ZNF521: variants seen among roughly 807,000 people sequenced by gnomAD.
ZNF521 encodes the protein zinc finger protein 521, also known as LYST-interacting protein 3.
A neutral mutation model predicts 105.5 loss-of-function variants in ZNF521; 14 were observed. That is an observed-to-expected ratio of 0.13 (90% CI 0.09 to 0.21). The LOEUF is 0.21. Among genes scored for constraint, ZNF521 ranks in the 10% least tolerant of loss-of-function variants. ZNF521 has a pLI of 1.00. For synonymous variants in ZNF521, 635 were observed against 606.0 expected (o/e 1.05, Z -0.70); for missense variants, 1,233 against 1,629.7 (o/e 0.76, Z 4.19).
intron 7 of ZNF521, among the ~76,000 whole-genome samples, chr18:25,075,778 C>T (rs956466273): frequency 2.6e-5 from 4 of 152,244 alleles, no homozygotes; most frequent in Middle Eastern, 3.4e-3. Flanking sequence ...CCACGCACGG[C>T]GCAGGAGAAA....
At chr18:25,169,551 A>C (rs1016725279) in intron 5 of ZNF521, among the ~76,000 whole-genome samples, 1 of 152,208 alleles carries the variant, frequency 6.6e-6, no homozygotes, top group African/African-American at 2.4e-5. Flanking sequence ...TTTTTAATAA[A>C]GACTAGTTTA....
chr18:25,317,352 G>A (rs980251852), intron 3 of ZNF521, among the ~76,000 whole-genome samples: 1 of 152,120 alleles, frequency 6.6e-6, no homozygotes, highest in Non-Finnish European at 1.5e-5. Flanking sequence ...GTATGAGACA[G>A]GAATAATGCC....
intron 3 of ZNF521, among the ~76,000 whole-genome samples, chr18:25,241,866 T>C (rs1404867384): frequency 6.6e-6 from 1 of 152,190 alleles, no homozygotes; most frequent in Non-Finnish European, 1.5e-5. Flanking sequence ...TTTTATACTT[T>C]TTTCTTATTC....
chr18:25,327,765 A>G (rs928801760), intron 2 of ZNF521: 1 of 501,576 alleles, frequency 2.0e-6, no homozygotes, highest in Non-Finnish European at 4.0e-6. Context: ...ACTCTAATGA[A>G]GGAAGGCAGC....
At chr18:25,098,078 C>T (rs2033889987) in intron 5 of ZNF521, among the ~76,000 whole-genome samples, 1 of 138,936 alleles carries the variant, frequency 7.2e-6, no homozygotes, top group Admixed American at 7.0e-5. Flanking sequence ...TTTAGATGCT[C>T]TGAGATGCAA....
At chr18:25,069,849 CA>C (rs1374102919) in intron 7 of ZNF521, among the ~76,000 whole-genome samples, 7 of 152,100 alleles carry the variant, frequency 4.6e-5, no homozygotes, top group African/African-American at 1.2e-4. Context: ...ATGGCATTTC[CA>C]AATTGTCATG....
intron 3 of ZNF521, among the ~76,000 whole-genome samples, chr18:25,256,419 T>C (rs1568038507): frequency 6.6e-6 from 1 of 152,168 alleles, no homozygotes; most frequent in South Asian, 2.1e-4. Flanking sequence ...CACAATTAAT[T>C]TTTTTAAGTT....
chr18:25,283,400 G>GA (rs1910503208), intron 3 of ZNF521, among the ~76,000 whole-genome samples: 2 of 152,104 alleles, frequency 1.3e-5, no homozygotes, highest in Non-Finnish European at 1.5e-5. Context: ...GCTCTTCCCT[G>GA]GTCTCTGGTC....
chr18:25,271,096 CG>C lies in ZNF521; in HGVS notation c.221-43400del, dbSNP rs1200092684. On this transcript the variant is annotated intron_variant, in intron 3 of 7. Coordinates refer to ENST00000361524, the MANE Select transcript of ZNF521 (RefSeq NM_015461.3). ...CAGTCTCAGGATACAAAATCAATTG[CG>C]AAAATCACAAGCATTCCTATACACC... 2.6e-5 allele frequency among the ~76,000 whole-genome samples: 4 copies of C among 152,122 alleles called. No individual in the cohort carries two copies. In the East Asian group the frequency reaches 7.7e-4, roughly 29 times the overall value.
At chr18:25,231,788 A>G (rs1906545475) in intron 3 of ZNF521, among the ~76,000 whole-genome samples, 2 of 152,234 alleles carry the variant, frequency 1.3e-5, no homozygotes, top group Admixed American at 1.3e-4. Context: ...TGTGTAGGAC[A>G]TACACTTCCT....
At chr18:25,235,998 T>C (rs144712617) in intron 3 of ZNF521, among the ~76,000 whole-genome samples, 1 of 152,346 alleles carries the variant, frequency 6.6e-6, no homozygotes, top group Admixed American at 6.5e-5. Flanking sequence ...GACATACATG[T>C]GTCTAACAAA....
At chr18:25,168,992 A>G (rs2035400971) in intron 5 of ZNF521, among the ~76,000 whole-genome samples, 1 of 151,894 alleles carries the variant, frequency 6.6e-6, no homozygotes, top group Non-Finnish European at 1.5e-5. Flanking sequence ...ATATTGTGTG[A>G]GGGACAGAAA....
chr18:25,241,966 T>C (rs1907368202), intron 3 of ZNF521, among the ~76,000 whole-genome samples: 1 of 152,162 alleles, frequency 6.6e-6, no homozygotes, highest in Non-Finnish European at 1.5e-5. Flanking sequence ...GAGCAGTAAT[T>C]TTGAAAATTT....
chr18:25,331,608 T>C (rs1321196370), intron 2 of ZNF521, among the ~76,000 whole-genome samples: 2 of 152,208 alleles, frequency 1.3e-5, no homozygotes, highest in African/African-American at 2.4e-5. Flanking sequence ...AACGATATCA[T>C]ACTAATACTT....
intron 5 of ZNF521, among the ~76,000 whole-genome samples, chr18:25,138,228 T>G (rs765630996): frequency 1.1e-4 from 17 of 152,292 alleles, no homozygotes; most frequent in Non-Finnish European, 2.1e-4. Context: ...ATTAAAGGCA[T>G]CTACTCTCTC....
intron 4 of ZNF521, among the ~76,000 whole-genome samples, chr18:25,221,479 G>C (rs980170344): frequency 6.6e-6 from 1 of 152,158 alleles, no homozygotes; most frequent in Non-Finnish European, 1.5e-5. Context: ...TCATGGTCCA[G>C]AAAAATCTAA....
chr18:25,231,809 A>G (rs1906547183), intron 3 of ZNF521, among the ~76,000 whole-genome samples: 1 of 152,206 alleles, frequency 6.6e-6, no homozygotes, highest in African/African-American at 2.4e-5. Flanking sequence ...GAGGACAGGG[A>G]CCAAGCCTTT....
chr18:25,143,838 T>C (rs1215437449), intron 5 of ZNF521, among the ~76,000 whole-genome samples: 4 of 152,204 alleles, frequency 2.6e-5, no homozygotes, highest in Non-Finnish European at 5.9e-5. Context: ...TTTGTCCTCT[T>C]ACTAAGTGAT....
Position 25,180,631 on chromosome 18 carries a change from G to A in ZNF521, c.3658+14529C>T, listed in dbSNP as rs572303078. 4.6e-5 allele frequency among the ~76,000 whole-genome samples: 7 copies of A among 152,212 alleles called. No homozygotes were observed. The South Asian group carries it at 1.5e-3, about 32-fold the overall frequency. ...CAATCTTTTCATAATGCTTCTTTGG[G>A]TGAGGAAGTGGAGTTATGAGTTACT... On this transcript the variant is annotated intron_variant, in intron 5 of 7. Coordinates refer to ENST00000361524, the MANE Select transcript of ZNF521 (RefSeq NM_015461.3).
Sources: gnomAD v4.1 joint callset for allele counts (sites outside exome capture counted in the v4.1 genomes callset) on GRCh38, gnomAD v4.1.1 for gene constraint, MANE v1.5 for transcripts, NCBI Gene and HGNC (gene_info 2026-07-23, HGNC 2026-07-21) for gene names.